The following NRG1 variants were observed in gnomAD, a reference collection of about 807,000 sequenced individuals.
NRG1 encodes pro-neuregulin-1, membrane-bound isoform.
Under a neutral mutation model 63.8 loss-of-function variants are expected in NRG1, and 18 were observed. That is an observed-to-expected ratio of 0.28 (90% CI 0.19 to 0.42). The LOEUF (loss-of-function observed/expected upper bound fraction) is 0.42, where lower values mean the gene tolerates loss of function less well. Ranked by LOEUF, NRG1 falls within the 10% of genes least tolerant of loss-of-function variation. NRG1 has a pLI of 1.00. For synonymous variants in NRG1, 302 were observed against 301.3 expected (o/e 1.00, Z -0.02); for missense variants, 762 against 814.7 (o/e 0.94, Z 0.79).
chr8:32,102,807 G>A (rs1486856964), intron 1 of NRG1, among the ~76,000 whole-genome samples: 1 of 151,940 alleles, frequency 6.6e-6, no homozygotes, highest in Non-Finnish European at 1.5e-5. Flanking sequence ...ATATTAGTGG[G>A]AGTAATAGCA....
At chr8:32,217,213 C>CAAAAAAAAAA (rs538507645) in intron 1 of NRG1, among the ~76,000 whole-genome samples, 2 of 101,168 alleles carry the variant, frequency 2.0e-5, no homozygotes, top group East Asian at 3.8e-4. Flanking sequence ...GACCCTGTCT[C>CAAAAAAAAAA]AAAAAAAAAA....
chr8:32,546,907 T>C (rs1365580117), upstream of NRG1, among the ~76,000 whole-genome samples: 1 of 152,228 alleles, frequency 6.6e-6, no homozygotes, highest in Non-Finnish European at 1.5e-5. Flanking sequence ...GACTGCACTT[T>C]TATTTAAATT....
chr8:32,313,723 A>T (rs1306362215), intron 1 of NRG1, among the ~76,000 whole-genome samples: 1 of 152,220 alleles, frequency 6.6e-6, no homozygotes, highest in African/African-American at 2.4e-5. Context: ...ATTATACTGT[A>T]AAACTGGTAA....
intron 1 of NRG1, among the ~76,000 whole-genome samples, chr8:32,181,744 C>G (rs1176150839): frequency 6.6e-6 from 1 of 152,074 alleles, no homozygotes; most frequent in East Asian, 1.9e-4. Flanking sequence ...TATTTTAATA[C>G]TTTATAAACA....
chr8:31,868,688 G>A (rs1017317540), intron 1 of NRG1, among the ~76,000 whole-genome samples: 1 of 152,216 alleles, frequency 6.6e-6, no homozygotes, highest in African/African-American at 2.4e-5. Flanking sequence ...GCTAGTCTTA[G>A]TAATCTTTCA....
intron 1 of NRG1, among the ~76,000 whole-genome samples, chr8:32,445,144 C>T (rs1460378373): frequency 6.6e-6 from 1 of 152,184 alleles, no homozygotes; most frequent in East Asian, 1.9e-4. Flanking sequence ...TCCACAGATG[C>T]TCATGTCCTG....
intron 1 of NRG1, among the ~76,000 whole-genome samples, chr8:31,827,648 G>T (rs546137397): frequency 2.0e-5 from 3 of 152,296 alleles, no homozygotes; most frequent in African/African-American, 7.2e-5. Context: ...CAACACTTGG[G>T]TAGCTTTCCT....
intron 1 of NRG1, among the ~76,000 whole-genome samples, chr8:32,101,215 C>T (rs1020475478): frequency 2.6e-5 from 4 of 152,032 alleles, no homozygotes; most frequent in Non-Finnish European, 4.4e-5. Flanking sequence ...TTTACTTGGC[C>T]TTTTGTCTGG....
At chr8:32,484,742 A>G (rs926551189) in intron 1 of NRG1, among the ~76,000 whole-genome samples, 3 of 152,158 alleles carry the variant, frequency 2.0e-5, no homozygotes, top group Admixed American at 6.5e-5. Flanking sequence ...AAGTTAACAC[A>G]TTTATTTGTG....
rs567915886 is a variant in NRG1, at chr8:32,288,959, C to T, written c.38-306869C>T. Among the ~76,000 whole-genome samples the T allele has an allele frequency of 5.9e-5, 9 of 152,200 alleles. No homozygotes were observed. The South Asian group carries it at 1.5e-3, about 25-fold the overall frequency. On this transcript the variant is annotated intron_variant, in intron 1 of 10. Transcript: ENST00000519301. The stretch of plus-strand genomic sequence containing the variant: ...GTGATATTCAGTGATTATAACTCTC[C>T]AATTCTCACTAGGACAAATATAACC...
At position 32,159,519 on chromosome 8, in the gene NRG1, C is replaced by T. The variant is rs1428161163; in HGVS notation, c.38-436309C>T. ...ACTGCAGTCCGCAGTCCGGCCTGGG[C>T]GACAGAGCGAGACTCCGTCTCAAAA... On this transcript the variant is annotated intron_variant, in intron 1 of 10. Coordinates refer to the NRG1 transcript ENST00000519301. Among the ~76,000 whole-genome samples the T allele has an allele frequency of 3.1e-5, 4 of 130,722 alleles. 1 individual carries two copies. Among genetic ancestry groups the T allele is most frequent in the South Asian group, 4.7e-4 (2 of 4,220 alleles). 85.8% of individuals were successfully genotyped at this position (130,722 alleles called of 152,430 possible). A position where few individuals can be genotyped will look rare whatever the true frequency, so the allele number is the denominator to read the frequency against.
chr8:32,123,651 A>G (rs1003390999), intron 1 of NRG1, among the ~76,000 whole-genome samples: 3 of 149,122 alleles, frequency 2.0e-5, no homozygotes, highest in African/African-American at 4.9e-5. Context: ...TAATATATAT[A>G]TTATGTAATT....
chr8:31,792,533 C>T (rs1461372686), intron 1 of NRG1, among the ~76,000 whole-genome samples: 1 of 152,178 alleles, frequency 6.6e-6, no homozygotes, highest in African/African-American at 2.4e-5. Flanking sequence ...TATTTTTTAA[C>T]TGACTACTCA....
intron 1 of NRG1, among the ~76,000 whole-genome samples, chr8:32,572,266 T>C (rs1473768005): frequency 6.6e-6 from 1 of 152,096 alleles, no homozygotes; most frequent in African/African-American, 2.4e-5. Context: ...TTCTTTCTGC[T>C]AATTCCCACA....
intron 1 of NRG1, among the ~76,000 whole-genome samples, chr8:32,366,677 G>GTATATATATATATATATATATA (rs71208175): frequency 1.1e-5 from 1 of 87,518 alleles, no homozygotes; most frequent in Non-Finnish European, 2.2e-5. Context: ...GTGTGTGTGT[G>GTATATATATATATATATATATA]TATATATATA....
intron 1 of NRG1, among the ~76,000 whole-genome samples, chr8:32,551,384 A>G (rs1834073695): frequency 6.6e-6 from 1 of 152,210 alleles, no homozygotes; most frequent in South Asian, 2.1e-4. Flanking sequence ...TATGTATGCA[A>G]TAGCCAAGCC....
intron 1 of NRG1, among the ~76,000 whole-genome samples, chr8:31,704,453 A>G (rs1810924287): frequency 6.6e-6 from 1 of 152,164 alleles, no homozygotes; most frequent in South Asian, 2.1e-4. Context: ...GTGTTTTTGT[A>G]TACTCTGATT....
chr8:32,594,290 G>T (rs1842993229), intron 1 of NRG1, among the ~76,000 whole-genome samples: 1 of 152,050 alleles, frequency 6.6e-6, no homozygotes, highest in Non-Finnish European at 1.5e-5. Context: ...CATTTGCCTG[G>T]GTTTGTTTTC....
intron 1 of NRG1, among the ~76,000 whole-genome samples, chr8:32,280,705 T>TTG (rs1563265082): frequency 6.9e-6 from 1 of 144,420 alleles, no homozygotes; most frequent in African/African-American, 2.6e-5. Context: ...TTTTTTTTTT[T>TTG]TTTTTTTTTC....
Sources: allele counts gnomAD v4.1 joint callset (sites outside exome capture counted in the v4.1 genomes callset), GRCh38; gene constraint gnomAD v4.1.1; transcripts MANE v1.5; gene names NCBI Gene and HGNC (gene_info 2026-07-23, HGNC 2026-07-21).